Variants in NOB1 observed in about 807,000 individuals in gnomAD.
The protein encoded by NOB1 is RNA-binding protein NOB1.
In NOB1, 44 loss-of-function variants were observed where a neutral mutation model predicts 44.8. The ratio of observed to expected loss-of-function variants is 0.98; its 90% CI spans 0.77 to 1.26. The LOEUF (loss-of-function observed/expected upper bound fraction) is 1.26, where lower values mean the gene tolerates loss of function less well. Ranked by LOEUF, NOB1 falls within the 50% of genes most tolerant of loss-of-function variation. The probability of loss-of-function intolerance (pLI) is 0.00; values close to 1 mark genes in which losing one functional copy is unlikely to be tolerated. For missense variants in NOB1, 560 were observed against 544.8 expected (o/e 1.03, Z -0.28); for synonymous variants, 238 against 218.7 (o/e 1.09, Z -0.78).
At chr16:69,749,688 T>C in intron 3 of NOB1, 58 bp from the exon 4 acceptor site, 1 of 1,422,362 alleles carries the variant, frequency 7.0e-7, no homozygotes. Flanking sequence ...TATCCAGTTT[T>C]TTTTTTTGGC....
intron 8 of NOB1, among the ~76,000 whole-genome samples, chr16:69,743,739 A>G (rs2038404798): frequency 6.6e-6 from 1 of 152,216 alleles, no homozygotes; most frequent in South Asian, 2.1e-4. Context: ...GTTTCATCCT[A>G]GACTGGATTC....
chr16:69,744,062 C>T (rs866826013), intron 8 of NOB1, among the ~76,000 whole-genome samples: 17 of 152,084 alleles, frequency 1.1e-4, no homozygotes, highest in African/African-American at 3.9e-4. Flanking sequence ...CAGTGGCTCA[C>T]GCCTGTAATC....
chr16:69,745,489 C>T (rs2038422880), intron 7 of NOB1, among the ~76,000 whole-genome samples: 2 of 152,236 alleles, frequency 1.3e-5, no homozygotes, highest in Admixed American at 1.3e-4. Flanking sequence ...CCTCGTCACA[C>T]CACGAGCTAC....
In NOB1 at chr16:69,754,801, G is replaced by C; in HGVS notation, c.63+47C>G. Reference sequence around the variant, plus strand: ...CGCGCGACTCCACGCACTCCGGGAGGGGCGGCCAGCCCAGATCTCTCTCGT... The same window carrying C: ...CGCGCGACTCCACGCACTCCGGGAGCGGCGGCCAGCCCAGATCTCTCTCGT... On this transcript the variant is annotated intron_variant, in intron 1 of 8. Coordinates refer to ENST00000268802, the MANE Select transcript of NOB1 (RefSeq NM_014062.3). 3 of 1,609,708 alleles carry C rather than the reference G, an allele frequency of 1.9e-6. No individual in the cohort carries two copies. In the South Asian group the frequency reaches 3.3e-5, roughly 18 times the overall value.
chr16:69,754,334 G>T (rs2038506628), intron 2 of NOB1, among the ~76,000 whole-genome samples: 1 of 152,166 alleles, frequency 6.6e-6, no homozygotes, highest in Non-Finnish European at 1.5e-5. Flanking sequence ...CAGCAACCTT[G>T]GAGACAGATA....
intron 2 of NOB1, among the ~76,000 whole-genome samples, chr16:69,754,313 G>C (rs546926201): frequency 6.6e-6 from 1 of 152,202 alleles, no homozygotes; most frequent in Non-Finnish European, 1.5e-5. Context: ...ATATTCCTCA[G>C]TTCATGCTCA....
chr16:69,744,865 CCACT>C lies in NOB1; in HGVS notation c.969+4_969+7del. 3 of 1,611,716 alleles carry C rather than the reference CCACT, an allele frequency of 1.9e-6. No individual in the cohort carries two copies. Among genetic ancestry groups the C allele is most frequent in the Non-Finnish European group, 2.5e-6 (3 of 1,179,660 alleles). On this transcript the variant is annotated splice_donor_5th_base_variant and intron_variant, in intron 8 of 8. Coordinates refer to ENST00000268802, the MANE Select transcript of NOB1 (RefSeq NM_014062.3). ...TGTTGGGAGGGGACTGGGAGAGGCGCCACTCACCCGGAGGCCGCGGGGGTTCAGC... is the reference window on the plus strand; with the variant it reads ...TGTTGGGAGGGGACTGGGAGAGGCGCCACCCGGAGGCCGCGGGGGTTCAGC...
Position 69,742,557 on chromosome 16 carries a change from G to T in NOB1, c.1014C>A (p.Pro338=), listed in dbSNP as rs1441478367. Residue 338 remains proline, a synonymous_variant, in exon 9 of 9, where the codon CCC becomes CCA. Coordinates refer to ENST00000268802, the MANE Select transcript of NOB1 (RefSeq NM_014062.3). ...GGAAGCGCTGATCCTCGGTGAGATG[G>T]GGGTTGATGGCGTATTTGCCCCCTT... ...TPKGGKYAIN[P]HLTEDQRFPQ... 1 of 1,614,154 alleles carries T rather than the reference G, an allele frequency of 6.2e-7. No individual in the cohort carries two copies. Among genetic ancestry groups the T allele is most frequent in the Non-Finnish European group, 8.5e-7 (1 of 1,180,024 alleles).
At chr16:69,752,098 T>G in intron 3 of NOB1, 143 bp downstream of exon 3, 1 of 729,098 alleles carries the variant, frequency 1.4e-6, no homozygotes, top group Non-Finnish European at 2.3e-6. Flanking sequence ...TGTGGATCAG[T>G]GTAGATGAAT....
At chr16:69,742,666 G>A in intron 8 of NOB1, 65 bp from the exon 9 acceptor site, 1 of 1,549,486 alleles carries the variant, frequency 6.5e-7, no homozygotes, top group Non-Finnish European at 8.9e-7. Flanking sequence ...GGCCATGGCT[G>A]GTAAGGTGCA....
At position 69,752,271 on chromosome 16, in the gene NOB1, C is replaced by T. The variant is rs2038488970; in HGVS notation, c.297G>A (p.Gly99=). 1.2e-6 allele frequency: 2 copies of T among 1,612,410 alleles called. No homozygotes were observed. The highest frequency in any genetic ancestry group is 1.3e-5 in the African/African-American group (1 of 74,832). The change falls in exon 3 of 9, where the codon GGG becomes GGA. Residue 99 remains glycine, a synonymous_variant. Coordinates refer to ENST00000268802, the MANE Select transcript of NOB1 (RefSeq NM_014062.3). ...GTGGTTCTTGTTTTAGGTGAGACACCCCAACAAACTCTGCTTCCAACTGGT... is the reference window on the plus strand; with the variant it reads ...GTGGTTCTTGTTTTAGGTGAGACACTCCAACAAACTCTGCTTCCAACTGGT... ...LTYQLEAEFV[G]VSHLKQEPQK... is the part of the protein sequence containing the mutation.
chr16:69,750,754 C>G (rs538018162), intron 3 of NOB1, among the ~76,000 whole-genome samples: 1 of 152,182 alleles, frequency 6.6e-6, no homozygotes, highest in Non-Finnish European at 1.5e-5. Context: ...CTGGGCAACA[C>G]AGAGAGACCC....
chr16:69,744,313 C>CT (rs1341762816), intron 8 of NOB1, among the ~76,000 whole-genome samples: 4 of 152,174 alleles, frequency 2.6e-5, no homozygotes, highest in African/African-American at 9.7e-5. Flanking sequence ...GAGTGAGACC[C>CT]TGTCTCAAAC....
At chr16:69,743,843 C>A (rs1027974778) in intron 8 of NOB1, among the ~76,000 whole-genome samples, 2 of 152,168 alleles carry the variant, frequency 1.3e-5, no homozygotes, top group African/African-American at 4.8e-5. Context: ...ACACTGGTAT[C>A]GCAGCGATGC....
chr16:69,747,313 G>A (rs1354221437), intron 7 of NOB1, among the ~76,000 whole-genome samples: 1 of 151,606 alleles, frequency 6.6e-6, no homozygotes, highest in Non-Finnish European at 1.5e-5. Flanking sequence ...CAAGATAAGA[G>A]GATTGCTTGA....
At chr16:69,749,779 A>C (rs1217043684) in intron 3 of NOB1, 149 bp from the exon 4 acceptor site, 1 of 581,956 alleles carries the variant, frequency 1.7e-6, no homozygotes, top group Non-Finnish European at 2.9e-6. Flanking sequence ...GGAATTGGAG[A>C]CCAGCCTGGC....
chr16:69,742,594 A>G lies in NOB1; in HGVS notation c.977T>C (p.Leu326Pro). The G allele has an allele frequency of 6.2e-7, 1 of 1,614,012 alleles. No individual in the cohort carries two copies. Among genetic ancestry groups the G allele is most frequent in the South Asian group, 1.1e-5 (1 of 91,080 alleles). ...VLNPRGLRYS[L>P]PTPKGGKYAI... ...GTATTTGCCCCCTTTGGGAGTGGGA[A>G]GCGAGTACTGGAAATAAGACAAGGA... Residue 326 changes from leucine (L) to proline (P), a missense_variant, in exon 9 of 9, where the codon CTT becomes CCT. Leu to Pro is a moderately conservative substitution (Grantham distance 98). Coordinates refer to ENST00000268802, the MANE Select transcript of NOB1 (RefSeq NM_014062.3).
intron 8 of NOB1, among the ~76,000 whole-genome samples, chr16:69,743,136 A>G (rs987846501): frequency 6.6e-6 from 1 of 152,206 alleles, no homozygotes; most frequent in Non-Finnish European, 1.5e-5. Context: ...CTGGCCACAC[A>G]TGGCACAACG....
chr16:69,745,167 T>G (rs2038419885), intron 7 of NOB1, 150 bp from the exon 8 acceptor site: 1 of 786,492 alleles, frequency 1.3e-6, no homozygotes, highest in South Asian at 1.8e-5. Flanking sequence ...CCACTGAAGC[T>G]GTCAGCAAAG....
Sources: allele counts gnomAD v4.1 joint callset (sites outside exome capture counted in the v4.1 genomes callset), GRCh38; gene constraint gnomAD v4.1.1; transcripts MANE v1.5; gene names NCBI Gene and HGNC (gene_info 2026-07-23, HGNC 2026-07-21).